CAMKK1: variants seen among roughly 807,000 people sequenced by gnomAD.
The protein encoded by CAMKK1 is calcium/calmodulin-dependent protein kinase kinase 1.
CAMKK1 carries 20 observed loss-of-function variants against 63.5 expected under a neutral mutation model. The ratio of observed to expected loss-of-function variants is 0.32; its 90% confidence interval spans 0.22 to 0.46. The LOEUF is 0.46. Among genes scored for constraint, CAMKK1 ranks in the 20% least tolerant of loss-of-function variants. CAMKK1 has a pLI of 1.00. For missense variants in CAMKK1, 588 were observed against 658.1 expected (o/e 0.89, Z 1.17); for synonymous variants, 253 against 269.0 (o/e 0.94, Z 0.58).
At position 3,882,585 on chromosome 17, in the gene CAMKK1, T is replaced by A. The variant is rs1260984660; in HGVS notation, c.649-21A>T. Reference sequence around the variant, plus strand: ...AGGACCTGGTCAGAGGGAGCAGACATGGGGGTGGGGCTTGAGGAGGCGTGG... The same window carrying A: ...AGGACCTGGTCAGAGGGAGCAGACAAGGGGGTGGGGCTTGAGGAGGCGTGG... On this transcript the variant is annotated intron_variant, in intron 6 of 15. Coordinates refer to ENST00000348335, the MANE Select transcript of CAMKK1 (RefSeq NM_032294.3). This position sits in a 1 kb window ranked among gnomAD's most constrained non-coding sequence, Gnocchi z 4.3. 7.2e-5 allele frequency: 115 copies of A among 1,586,870 alleles called. No homozygotes were observed. The highest frequency in any genetic ancestry group is 9.2e-5 in the Non-Finnish European group (107 of 1,166,680).
rs1356588559 is a variant in CAMKK1 at position 3,887,609 on chromosome 17, T to C, written c.-43-1879A>G. ...GGAGGAGGTGAGAGGGGACAGGGAG[T>C]GGGGCTGTGGCACAGGGAGGCCTCC... On this transcript the variant is annotated intron_variant, in intron 1 of 15. Transcript: ENST00000348335. This position sits in a 1 kb window ranked among gnomAD's most constrained non-coding sequence, Gnocchi z 6.1. 7.3e-6 allele frequency among the ~76,000 whole-genome samples: 1 copy of C among 137,204 alleles called. No individual in the cohort carries two copies. 90.0% of individuals were successfully genotyped at this position (137,204 alleles called of 152,430 possible). A position where few individuals can be genotyped will look rare whatever the true frequency, so the allele number is the denominator to read the frequency against.
chr17:3,864,116 C>G (rs2054421564), intron 15 of CAMKK1, among the ~76,000 whole-genome samples: 1 of 150,688 alleles, frequency 6.6e-6, no homozygotes, highest in Non-Finnish European at 1.5e-5. Flanking sequence ...CCACGCCCGG[C>G]TAATTTTTTT....
chr17:3,868,777 C>T (rs2054692976), intron 14 of CAMKK1, among the ~76,000 whole-genome samples: 1 of 151,908 alleles, frequency 6.6e-6, no homozygotes. Context: ...CTCGGCCTCC[C>T]CAGTAGCTGG....
chr17:3,860,680 C>T lies in CAMKK1; in HGVS notation c.*1531G>A, dbSNP rs1210641746. 7 of 152,248 alleles carry T rather than the reference C, an allele frequency of 4.6e-5. No homozygotes were observed. Among genetic ancestry groups the T allele is most frequent in the Admixed American group, 2.6e-4 (4 of 15,288 alleles). The allele number at this position is 152,248 out of a possible 1,614,324, so 9.4% of individuals were successfully genotyped here. A position where few individuals can be genotyped will look rare whatever the true frequency, so the allele number is the denominator to read the frequency against. The stretch of plus-strand genomic sequence containing the variant: ...TTAGCCCAGAGGAGCCGGGGAGAAA[C>T]GTGGACCCACTGACAATGGGGCACA... On this transcript the variant is annotated 3_prime_UTR_variant, in exon 16 of 16. Transcript: ENST00000348335.
In CAMKK1 at chr17:3,865,551, G is replaced by C. The variant is rs200200010; in HGVS notation, c.1445+357C>G. On this transcript the variant is annotated intron_variant, in intron 15 of 15. Coordinates refer to ENST00000348335, the MANE Select transcript of CAMKK1 (RefSeq NM_032294.3). Reference sequence around the variant, plus strand: ...AACCTCTGCCAGGCTGCCAAGGGCTGAGGGGGCCACAGATTTGAAGCCCCA... The same window carrying C: ...AACCTCTGCCAGGCTGCCAAGGGCTCAGGGGGCCACAGATTTGAAGCCCCA... The C allele has an allele frequency of 3.8e-6, 4 of 1,055,182 alleles. No individual in the cohort carries two copies. In the East Asian group the frequency reaches 2.9e-4, roughly 76 times the overall value. The allele number at this position is 1,055,182 out of a possible 1,614,324, so 65.4% of individuals were successfully genotyped here.
At chr17:3,888,896 G>A (rs1284753276) in intron 1 of CAMKK1, among the ~76,000 whole-genome samples, 1 of 148,922 alleles carries the variant, frequency 6.7e-6, no homozygotes, top group Non-Finnish European at 1.5e-5. Context: ...TGCGCAGGCT[G>A]TGGACCAGGG....
At chr17:3,885,266 AAG>A (rs1448000066) in intron 2 of CAMKK1, 60 bp downstream of exon 2, 24 of 1,485,822 alleles carry the variant, frequency 1.6e-5, no homozygotes, top group Non-Finnish European at 2.1e-5. Flanking sequence ...AGGGGCAGGA[AAG>A]AGTCTTCATT....
chr17:3,873,188 G>A (rs556584009), intron 11 of CAMKK1, among the ~76,000 whole-genome samples: 5 of 152,308 alleles, frequency 3.3e-5, no homozygotes, highest in East Asian at 1.9e-4. Flanking sequence ...CACCATCGTC[G>A]GCACCTCCCC....
At chr17:3,891,813 G>C (rs924140401) in intron 1 of CAMKK1, among the ~76,000 whole-genome samples, 2 of 152,156 alleles carry the variant, frequency 1.3e-5, no homozygotes, top group African/African-American at 4.8e-5. Flanking sequence ...CTCCGGGCTT[G>C]GTTTGGGGGT....
At position 3,890,305 on chromosome 17, in the gene CAMKK1, G is replaced by A. The variant is rs2055846318; in HGVS notation, c.-44+2634C>T. On this transcript the variant is annotated intron_variant, in intron 1 of 15. Coordinates refer to ENST00000348335, the MANE Select transcript of CAMKK1 (RefSeq NM_032294.3). The surrounding 1 kb of genome is among the most constrained non-coding windows in gnomAD (Gnocchi z 6.5). ...AGGACGCCCGCTCCCACCATCCCTG[G>A]GGAGCCCCCAAGCACCAATACGGGC... 2.0e-5 allele frequency among the ~76,000 whole-genome samples: 3 copies of A among 152,250 alleles called. No individual in the cohort carries two copies. Among genetic ancestry groups the A allele is most frequent in the South Asian group, 2.1e-4 (1 of 4,828 alleles).
Position 3,862,256 on chromosome 17 carries a change from C to T in CAMKK1, c.1473G>A (p.Lys491=), listed in dbSNP as rs2054353358. ...LVKEGFGEGG[K]SPELPGVQED... The stretch of plus-strand genomic sequence containing the variant: ...CCTGGACGCCGGGGAGCTCTGGGCT[C>T]TTGCCCCCTTCACCAAACCCTTCTT... The change falls in exon 16 of 16, where the codon AAG becomes AAA. Residue 491 remains lysine, a synonymous_variant. Transcript: ENST00000348335. This position sits in a 1 kb window ranked among gnomAD's most constrained non-coding sequence, Gnocchi z 4.1. The T allele has an allele frequency of 6.3e-7, 1 of 1,589,876 alleles. No homozygotes were observed. The highest frequency in any genetic ancestry group is 8.6e-7 in the Non-Finnish European group (1 of 1,167,364).
At chr17:3,888,764 G>GCGTCTGCGAGGGAGGCGGCCGGC (rs2055770227) in intron 1 of CAMKK1, among the ~76,000 whole-genome samples, 1 of 152,320 alleles carries the variant, frequency 6.6e-6, no homozygotes, top group South Asian at 2.1e-4. Flanking sequence ...GTGACTAAGC[G>GCGTCTGCGAGGGAGGCGGCCGGC]CGTCTGCGAG....
Position 3,890,562 on chromosome 17 carries a change from C to G in CAMKK1, c.-44+2377G>C. The G allele has an allele frequency of 1.3e-6, 1 of 753,160 alleles. No individual in the cohort carries two copies. The allele number at this position is 753,160 out of a possible 1,614,324, so 46.7% of individuals were successfully genotyped here. ...CTTCCCCAAACCTGCTCGTCCTCCTCTGTCTCCATTGCGAGACGGGTACCA... is the reference window on the plus strand; with the variant it reads ...CTTCCCCAAACCTGCTCGTCCTCCTGTGTCTCCATTGCGAGACGGGTACCA... On this transcript the variant is annotated intron_variant, in intron 1 of 15. Coordinates refer to ENST00000348335, the MANE Select transcript of CAMKK1 (RefSeq NM_032294.3). This position sits in a 1 kb window ranked among gnomAD's most constrained non-coding sequence, Gnocchi z 6.5.
At chr17:3,885,063 A>C (rs554744103) in intron 2 of CAMKK1, among the ~76,000 whole-genome samples, 187 of 152,288 alleles carry the variant, frequency 1.2e-3, no homozygotes, top group Non-Finnish European at 2.3e-3. Context: ...CATCTCTAAG[A>C]AGACTACATA....
chr17:3,866,967 C>T (rs1019334614), intron 14 of CAMKK1, among the ~76,000 whole-genome samples: 173 of 152,296 alleles, frequency 1.1e-3, no homozygotes, highest in Non-Finnish European at 2.4e-4. Flanking sequence ...GTGATCCTCC[C>T]GCCTTGGCCT....
intron 15 of CAMKK1, among the ~76,000 whole-genome samples, chr17:3,864,740 T>C (rs2054451373): frequency 6.6e-6 from 1 of 152,100 alleles, no homozygotes. Flanking sequence ...AAAGCTGCAG[T>C]TGGGACCTCC....
chr17:3,878,145 CTCA>C, intron 9 of CAMKK1, among the ~76,000 whole-genome samples: 1 of 152,326 alleles, frequency 6.6e-6, no homozygotes, highest in South Asian at 2.1e-4. Flanking sequence ...CCAACTGCTT[CTCA>C]TCATCTGCAT....
intron 14 of CAMKK1, among the ~76,000 whole-genome samples, chr17:3,868,980 T>C (rs985338864): frequency 6.9e-6 from 1 of 145,354 alleles, no homozygotes; most frequent in African/African-American, 2.6e-5. Flanking sequence ...CTTCTTTTTT[T>C]TTTTTTGAGA....
At position 3,890,599 on chromosome 17, in the gene CAMKK1, T is replaced by G; in HGVS notation, c.-44+2340A>C. The stretch of plus-strand genomic sequence containing the variant: ...CGAGACGGGTACCACACCCTCCCCA[T>G]TCTTTCCTGACCCAGGTCAGCAATC... On this transcript the variant is annotated intron_variant, in intron 1 of 15. Transcript: ENST00000348335. The surrounding 1 kb of genome is among the most constrained non-coding windows in gnomAD (Gnocchi z 6.5). 1 of 777,522 alleles carries G rather than the reference T, an allele frequency of 1.3e-6. No homozygotes were observed. Among genetic ancestry groups the G allele is most frequent in the East Asian group, 2.4e-5 (1 of 41,200 alleles). The allele number at this position is 777,522 out of a possible 1,614,324, so 48.2% of individuals were successfully genotyped here.
Sources: gnomAD v4.1 joint callset for allele counts (sites outside exome capture counted in the v4.1 genomes callset) on GRCh38, gnomAD v4.1.1 for gene constraint, Gnocchi (gnomAD v3.1) non-coding constraint, MANE v1.5 for transcripts, NCBI Gene and HGNC (gene_info 2026-07-23, HGNC 2026-07-21) for gene names.